The following COL4A5 variants were observed in gnomAD, a reference collection of about 807,000 sequenced individuals.
The protein encoded by COL4A5 is collagen alpha-5(IV) chain.
COL4A5 carries 26 observed loss-of-function variants against 130.2 expected under a neutral mutation model. That is an observed-to-expected ratio of 0.20 (90% CI 0.15 to 0.28). The LOEUF (loss-of-function observed/expected upper bound fraction) is 0.28. Among genes scored for constraint, COL4A5 ranks in the 10% least tolerant of loss-of-function variants. COL4A5 has a pLI of 1.00. For synonymous variants in COL4A5, 496 were observed against 439.6 expected, an observed-to-expected ratio of 1.13 and a Z score of -1.60; for missense variants, 1,131 against 1,344.3, an observed-to-expected ratio of 0.84 and a Z score of 2.48.
At chrX:108,687,132 G>A (rs188656048) in intron 48 of COL4A5, among the ~76,000 whole-genome samples, 1 of 112,320 alleles carries the variant, frequency 8.9e-6, no homozygotes, top group Non-Finnish European at 1.9e-5. Flanking sequence ...GTATGCCTGA[G>A]AATAATTCCC....
At position 108,543,874 on chromosome X, in the gene COL4A5, T is replaced by C. The variant is rs771685709; in HGVS notation, c.141+4069T>C. On this transcript the variant is annotated intron_variant, in intron 2 of 52. Transcript: ENST00000328300. Reference sequence around the variant, plus strand: ...TGTTTCATTCTCTTTGAAGCAATTGTGAATGGGAGTTCACTCATGATTTGG... The same window carrying C: ...TGTTTCATTCTCTTTGAAGCAATTGCGAATGGGAGTTCACTCATGATTTGG... 2.4e-3 allele frequency among the ~76,000 whole-genome samples: 269 copies of C among 111,911 alleles called. 1 individual carries two copies. Among genetic ancestry groups the C allele is most frequent in the Non-Finnish European group, 4.1e-3 (219 of 53,225 alleles).
rs1343209631 is a variant in COL4A5 at position 108,643,668 on chromosome X, G to C, written c.3247-11663G>C. On this transcript the variant is annotated intron_variant, in intron 36 of 52. Transcript: ENST00000328300. ...TTGTTTTCGCACAAACAAATGCTGA[G>C]AGAATTCGCCACTACCAAGCCACCA... Among the ~76,000 whole-genome samples, 8 of 111,789 alleles carry C rather than the reference G, an allele frequency of 7.2e-5. No individual in the cohort carries two copies. In the Admixed American group the frequency reaches 7.6e-4, roughly 11 times the overall value.
chrX:108,499,789 C>G (rs1050664083), intron 1 of COL4A5, among the ~76,000 whole-genome samples: 1 of 111,602 alleles, frequency 9.0e-6, no homozygotes, highest in Non-Finnish European at 1.9e-5. Flanking sequence ...CTCAAACATA[C>G]GTCTGTGTGT....
chrX:108,650,541 A>G (rs1603305798), intron 36 of COL4A5, among the ~76,000 whole-genome samples: 1 of 112,035 alleles, frequency 8.9e-6, no homozygotes, highest in African/African-American at 3.2e-5. Flanking sequence ...CCCATCAATC[A>G]AAGAACTGAT....
At chrX:108,515,638 T>C (rs2065213879) in intron 1 of COL4A5, among the ~76,000 whole-genome samples, 2 of 111,514 alleles carry the variant, frequency 1.8e-5, no homozygotes, top group Non-Finnish European at 3.8e-5. Context: ...AAATGGAAGC[T>C]GCTTTGGAAA....
intron 47 of COL4A5, among the ~76,000 whole-genome samples, chrX:108,683,452 G>C (rs1038023755): frequency 9.0e-6 from 1 of 111,273 alleles, no homozygotes; most frequent in East Asian, 2.8e-4. Context: ...TAGCTTGATG[G>C]GGATAGCATT....
chrX:108,569,753 C>T (rs776432900), intron 6 of COL4A5, among the ~76,000 whole-genome samples: 1 of 111,033 alleles, frequency 9.0e-6, no homozygotes, highest in Admixed American at 9.6e-5. Context: ...GATCTCGGCT[C>T]ACTGCAACCT....
At chrX:108,450,702 T>A (rs1012964974) in intron 1 of COL4A5, among the ~76,000 whole-genome samples, 2 of 111,409 alleles carry the variant, frequency 1.8e-5, no homozygotes, top group African/African-American at 3.3e-5. Flanking sequence ...AAGCTCTGCA[T>A]AGGTCAGTGA....
intron 1 of COL4A5, among the ~76,000 whole-genome samples, chrX:108,442,650 C>T (rs1021447898): frequency 3.6e-5 from 4 of 111,002 alleles, no homozygotes; most frequent in African/African-American, 1.3e-4. Flanking sequence ...TTCCTTGTGA[C>T]CAGCGGCACG....
intron 41 of COL4A5, 150 bp downstream of exon 41, chrX:108,668,654 T>C (rs190811395): frequency 4.9e-6 from 2 of 410,907 alleles, no homozygotes; most frequent in East Asian, 8.2e-5. Flanking sequence ...ATATAACTTC[T>C]TACAAGTAAA....
At chrX:108,541,455 A>G (rs2065537979) in intron 2 of COL4A5, among the ~76,000 whole-genome samples, 1 of 112,144 alleles carries the variant, frequency 8.9e-6, no homozygotes, top group Non-Finnish European at 1.9e-5. Context: ...CACTGGGCAT[A>G]TTTGCATTTA....
chrX:108,495,776 A>G (rs1221426753), intron 1 of COL4A5, among the ~76,000 whole-genome samples: 2 of 112,455 alleles, frequency 1.8e-5, no homozygotes, highest in African/African-American at 3.2e-5. Flanking sequence ...CACTCCTGTC[A>G]GTGCCCAATG....
chrX:108,685,323 A>G (rs1433973392), intron 47 of COL4A5, among the ~76,000 whole-genome samples: 1 of 112,134 alleles, frequency 8.9e-6, no homozygotes, highest in Admixed American at 9.5e-5. Flanking sequence ...CTAAGCAACT[A>G]GTAGAATACC....
At chrX:108,659,214 C>T (rs184448822) in intron 37 of COL4A5, among the ~76,000 whole-genome samples, 2 of 111,016 alleles carry the variant, frequency 1.8e-5, no homozygotes, top group African/African-American at 6.5e-5. Flanking sequence ...TCCCAGATAT[C>T]TTTATGTTAT....
At chrX:108,541,668 T>C (rs193033333) in intron 2 of COL4A5, among the ~76,000 whole-genome samples, 1 of 112,113 alleles carries the variant, frequency 8.9e-6, no homozygotes, top group East Asian at 2.8e-4. Flanking sequence ...ATCCAAATTC[T>C]TGCTTGAATC....
chrX:108,545,699 A>G (rs754509820), intron 2 of COL4A5, among the ~76,000 whole-genome samples: 1 of 110,869 alleles, frequency 9.0e-6, no homozygotes, highest in East Asian at 2.8e-4. Flanking sequence ...TTTAATGTTG[A>G]CAGTGGGGTG....
chrX:108,603,543 A>C (rs997824650), intron 28 of COL4A5, among the ~76,000 whole-genome samples: 2 of 112,441 alleles, frequency 1.8e-5, no homozygotes, highest in Non-Finnish European at 3.7e-5. Context: ...AAAAAATTTT[A>C]GCAATCATCT....
intron 1 of COL4A5, among the ~76,000 whole-genome samples, chrX:108,489,430 C>A (rs1303699819): frequency 8.9e-6 from 1 of 111,866 alleles, no homozygotes; most frequent in Admixed American, 9.5e-5. Context: ...CCCTCTAGCA[C>A]TGGTCTGGAG....
intron 22 of COL4A5, among the ~76,000 whole-genome samples, chrX:108,596,664 G>A (rs2066521226): frequency 8.9e-6 from 1 of 111,835 alleles, no homozygotes; most frequent in South Asian, 3.7e-4. Context: ...TCTCCCTTTG[G>A]CAATGGGAAC....
Sources: gnomAD v4.1 joint callset for allele counts (sites outside exome capture counted in the v4.1 genomes callset) on GRCh38, gnomAD v4.1.1 for gene constraint, MANE v1.5 for transcripts, NCBI Gene and HGNC (gene_info 2026-07-23, HGNC 2026-07-21) for gene names.